The following ABRAXAS2 variants were observed in gnomAD, a reference collection of about 807,000 sequenced individuals.
ABRAXAS2 encodes BRISC complex subunit Abraxas 2.
ABRAXAS2 carries 23 observed loss-of-function variants against 49.0 expected under a neutral mutation model. The observed-to-expected ratio is 0.47, with a 90% CI of 0.34 to 0.66. The LOEUF is 0.66. Ranked by LOEUF, ABRAXAS2 falls within the 30% of genes least tolerant of loss-of-function variation. The pLI, the probability that ABRAXAS2 is intolerant of heterozygous loss-of-function variation, is 0.01. For missense variants in ABRAXAS2, 443 were observed against 511.9 expected, an observed-to-expected ratio of 0.87 and a Z score of 1.30; for synonymous variants, 168 against 180.2, an observed-to-expected ratio of 0.93 and a Z score of 0.54.
intron 3 of ABRAXAS2, among the ~76,000 whole-genome samples, chr10:124,817,719 A>C (rs1479919716): frequency 6.6e-6 from 1 of 151,948 alleles, no homozygotes; most frequent in African/African-American, 2.4e-5. Context: ...GCACCCAAAA[A>C]TCCCTGGGGA....
chr10:124,805,431 T>C (rs1241663612), intron 1 of ABRAXAS2, among the ~76,000 whole-genome samples: 1 of 152,238 alleles, frequency 6.6e-6, no homozygotes, highest in Non-Finnish European at 1.5e-5. Context: ...ACTTCATTAA[T>C]TGATTTGAAG....
chr10:124,834,275 A>G (rs1372019482), intron 8 of ABRAXAS2, among the ~76,000 whole-genome samples: 6 of 152,240 alleles, frequency 3.9e-5, no homozygotes, highest in Admixed American at 1.3e-4. Context: ...AATAATAACG[A>G]TAATTATAAC....
intron 4 of ABRAXAS2, among the ~76,000 whole-genome samples, chr10:124,826,281 T>C (rs1950895455): frequency 5.3e-5 from 8 of 152,206 alleles, no homozygotes; most frequent in Admixed American, 5.2e-4. Flanking sequence ...AGATTAGTTT[T>C]CATTTTCTAG....
chr10:124,802,042 T>A, intron 1 of ABRAXAS2, 141 bp downstream of exon 1: 5 of 766,998 alleles, frequency 6.5e-6, no homozygotes, highest in Non-Finnish European at 1.0e-5. Context: ...CCCGGGCGGC[T>A]CCCGCCCCCG....
At chr10:124,814,285 C>T (rs55668701) in intron 2 of ABRAXAS2, among the ~76,000 whole-genome samples, 6,073 of 151,820 alleles carry the variant, frequency 0.04, 150 homozygotes, top group Non-Finnish European at 0.047. Flanking sequence ...CCACCACGCC[C>T]GGCCTCTATC....
chr10:124,828,504 A>G (rs1227726091), intron 5 of ABRAXAS2, among the ~76,000 whole-genome samples: 1 of 151,976 alleles, frequency 6.6e-6, no homozygotes, highest in Non-Finnish European at 1.5e-5. Flanking sequence ...AGCTGAGACT[A>G]CAGGTGTGCA....
chr10:124,820,764 G>A (rs532391670), intron 4 of ABRAXAS2, among the ~76,000 whole-genome samples: 46 of 152,006 alleles, frequency 3.0e-4, no homozygotes, highest in Admixed American at 2.3e-3. Context: ...ATGAGCCACC[G>A]CAGACGGCCA....
chr10:124,819,360 A>G (rs972852515), intron 3 of ABRAXAS2, 24 bp from the exon 4 acceptor site: 11 of 1,604,230 alleles, frequency 6.9e-6, no homozygotes, highest in South Asian at 1.1e-5. Flanking sequence ...TGGTGTTAGT[A>G]CAAGATTTTT....
chr10:124,811,966 G>A (rs1197381171), intron 2 of ABRAXAS2, among the ~76,000 whole-genome samples: 1 of 152,006 alleles, frequency 6.6e-6, no homozygotes, highest in Admixed American at 6.6e-5. Context: ...TAGGAGAGAC[G>A]GGGTTTCTCC....
At chr10:124,816,463 A>G in intron 2 of ABRAXAS2, 113 bp from the exon 3 acceptor site, 2 of 719,846 alleles carry the variant, frequency 2.8e-6, no homozygotes, top group Non-Finnish European at 4.7e-6. Context: ...GGCAGAGGGA[A>G]AAGCTGTCTT....
chr10:124,832,260 A>G (rs890779101), intron 8 of ABRAXAS2, among the ~76,000 whole-genome samples: 2 of 152,148 alleles, frequency 1.3e-5, no homozygotes, highest in African/African-American at 4.8e-5. Context: ...TTTGGTAGCC[A>G]TGGATGAATA....
Position 124,826,586 on chromosome 10 carries a change from T to C in ABRAXAS2, c.268-9T>C, listed in dbSNP as rs1950897153. ...AGATTTCATGCAACTTTTCACACTT[T>C]TCTTTCAGAAAGTCATTGGGTGGTA... On this transcript the variant is annotated splice_polypyrimidine_tract_variant and intron_variant, in intron 4 of 8. Coordinates refer to ENST00000298492, the MANE Select transcript of ABRAXAS2 (RefSeq NM_032182.4). The C allele has an allele frequency of 4.4e-6, 7 of 1,602,180 alleles. No individual in the cohort carries two copies. The highest frequency in any genetic ancestry group is 6.0e-6 in the Non-Finnish European group (7 of 1,173,048).
At chr10:124,814,611 G>T (rs1950811998) in intron 2 of ABRAXAS2, among the ~76,000 whole-genome samples, 1 of 152,004 alleles carries the variant, frequency 6.6e-6, no homozygotes, top group East Asian at 1.9e-4. Context: ...GAAGTGCTGG[G>T]ATTACAGGTG....
intron 1 of ABRAXAS2, among the ~76,000 whole-genome samples, chr10:124,802,321 C>G (rs561959316): frequency 6.6e-6 from 1 of 152,346 alleles, no homozygotes; most frequent in Admixed American, 6.5e-5. Flanking sequence ...TCAGCCCCGC[C>G]CGCCGGTCTC....
At chr10:124,815,486 G>A (rs985299376) in intron 2 of ABRAXAS2, among the ~76,000 whole-genome samples, 14 of 152,158 alleles carry the variant, frequency 9.2e-5, no homozygotes, top group Admixed American at 3.3e-4. Flanking sequence ...GAGCCACTGC[G>A]CCCGGCCTGT....
chr10:124,827,368 G>T (rs928140276), intron 5 of ABRAXAS2, among the ~76,000 whole-genome samples: 1 of 151,686 alleles, frequency 6.6e-6, no homozygotes, highest in African/African-American at 2.4e-5. Flanking sequence ...GCCCATTTTG[G>T]CCAGGCTGGT....
At position 124,826,176 on chromosome 10, in the gene ABRAXAS2, C is replaced by T. The variant is rs189679842; in HGVS notation, c.268-419C>T. ...TGAAACCATCACCATATTAAGATAA[C>T]GAGCATCTCCTTCACCTACAAAAGC... On this transcript the variant is annotated intron_variant, in intron 4 of 8. Transcript: ENST00000298492. Among the ~76,000 whole-genome samples the T allele has an allele frequency of 3.3e-3, 510 of 152,266 alleles. 2 individuals are homozygous for T. The highest frequency in any genetic ancestry group is 0.012 in the African/African-American group (478 of 41,544).
chr10:124,823,386 A>G (rs1340639958), intron 4 of ABRAXAS2, among the ~76,000 whole-genome samples: 1 of 152,236 alleles, frequency 6.6e-6, no homozygotes, highest in Non-Finnish European at 1.5e-5. Flanking sequence ...GCCAGTAGGT[A>G]CAGTTTGGTC....
chr10:124,819,240 C>G, intron 3 of ABRAXAS2, 144 bp from the exon 4 acceptor site: 1 of 550,184 alleles, frequency 1.8e-6, no homozygotes, highest in Non-Finnish European at 3.2e-6. Flanking sequence ...AACATTTGGA[C>G]TGATTTCTCT....
Sources: allele counts gnomAD v4.1 joint callset (sites outside exome capture counted in the v4.1 genomes callset), GRCh38; gene constraint gnomAD v4.1.1; transcripts MANE v1.5; gene names NCBI Gene and HGNC (gene_info 2026-07-23, HGNC 2026-07-21).